The following FTCDNL1 variants were observed in gnomAD, a reference collection of about 807,000 sequenced individuals.
FTCDNL1 encodes formiminotransferase cyclodeaminase N-terminal like.
FTCDNL1 carries 11 observed loss-of-function variants against 5.9 expected under a neutral mutation model. That is an observed-to-expected ratio of 1.87 (90% CI 1.18 to 3.10). The LOEUF (loss-of-function observed/expected upper bound fraction) is 3.10, where lower values mean the gene tolerates loss of function less well. FTCDNL1 is among the 30% of genes most tolerant of loss of function. FTCDNL1 has a pLI of 0.00. For missense variants in FTCDNL1, 115 were observed against 65.5 expected (o/e 1.76, Z -2.61); for synonymous variants, 58 against 24.8 (o/e 2.34, Z -3.99).
At chr2:199,777,804 G>A (rs1218207312) in intron 3 of FTCDNL1, among the ~76,000 whole-genome samples, 3 of 152,058 alleles carry the variant, frequency 2.0e-5, no homozygotes, top group African/African-American at 7.2e-5. Context: ...TCAGGGCAGA[G>A]GTTCATGTGG....
the FTCDNL1 span, among the ~76,000 whole-genome samples, chr2:199,687,504 T>C: frequency 6.6e-6 from 1 of 152,210 alleles, no homozygotes; most frequent in East Asian, 1.9e-4. Flanking sequence ...TATGGTCAGC[T>C]CACAGGTGAG....
chr2:199,775,740 G>A (rs1574473340), intron 3 of FTCDNL1, among the ~76,000 whole-genome samples: 1 of 152,128 alleles, frequency 6.6e-6, no homozygotes, highest in East Asian at 1.9e-4. Flanking sequence ...AAAAGAAAGA[G>A]AAAGCCAATG....
intron 3 of FTCDNL1, among the ~76,000 whole-genome samples, chr2:199,841,874 A>G (rs564195109): frequency 5.9e-4 from 90 of 152,266 alleles, no homozygotes; most frequent in African/African-American, 2.1e-3. Context: ...CTAAAACTTA[A>G]AGCCAATCAT....
At chr2:199,730,358 T>C in the FTCDNL1 span, among the ~76,000 whole-genome samples, 2 of 152,110 alleles carry the variant, frequency 1.3e-5, no homozygotes, top group Non-Finnish European at 1.5e-5. Context: ...AATTAAACTA[T>C]AGAGCTTCTG....
intron 3 of FTCDNL1, among the ~76,000 whole-genome samples, chr2:199,773,907 C>T (rs2106298059): frequency 6.6e-6 from 1 of 152,336 alleles, no homozygotes; most frequent in East Asian, 1.9e-4. Flanking sequence ...TCTCTAGCAG[C>T]AGGTCCCTGG....
chr2:199,781,342 T>C (rs1234319448), intron 3 of FTCDNL1, among the ~76,000 whole-genome samples: 1 of 152,198 alleles, frequency 6.6e-6, no homozygotes, highest in Non-Finnish European at 1.5e-5. Flanking sequence ...ACAGGAGGTA[T>C]ATGATGTAAT....
chr2:199,688,711 A>C, the FTCDNL1 span, among the ~76,000 whole-genome samples: 2 of 152,234 alleles, frequency 1.3e-5, no homozygotes, highest in Non-Finnish European at 2.9e-5. Flanking sequence ...TTTATAAAAC[A>C]GGAAGCTTTG....
chr2:199,676,976 T>A, the FTCDNL1 span, among the ~76,000 whole-genome samples: 3 of 152,208 alleles, frequency 2.0e-5, no homozygotes, highest in Non-Finnish European at 4.4e-5. Context: ...CAATATCTTC[T>A]TGTTTATGAA....
At chr2:199,842,419 C>T (rs1365454559) in intron 3 of FTCDNL1, among the ~76,000 whole-genome samples, 1 of 152,194 alleles carries the variant, frequency 6.6e-6, no homozygotes. Context: ...CAAGTTCAGG[C>T]TGCCCTCACC....
At chr2:199,762,198 G>C (rs924233597) in intron 3 of FTCDNL1, among the ~76,000 whole-genome samples, 1 of 152,162 alleles carries the variant, frequency 6.6e-6, no homozygotes. Context: ...GCCCAATATA[G>C]TGAAACCCCA....
the FTCDNL1 span, among the ~76,000 whole-genome samples, chr2:199,742,660 A>T: frequency 1.3e-5 from 2 of 152,244 alleles, no homozygotes; most frequent in Non-Finnish European, 2.9e-5. Flanking sequence ...ATATATGATT[A>T]TCTCCATCTT....
chr2:199,783,191 G>C (rs182600909), intron 3 of FTCDNL1, among the ~76,000 whole-genome samples: 1 of 152,276 alleles, frequency 6.6e-6, no homozygotes, highest in African/African-American at 2.4e-5. Context: ...TTACTGCAAG[G>C]CCATGGCCTG....
chr2:199,763,275 G>A (rs111782997), intron 3 of FTCDNL1, among the ~76,000 whole-genome samples: 7 of 152,248 alleles, frequency 4.6e-5, no homozygotes, highest in African/African-American at 1.7e-4. Context: ...TGCTCCAGGG[G>A]CTCTGAGCGT....
chr2:199,682,301 T>C, the FTCDNL1 span, among the ~76,000 whole-genome samples: 3 of 152,178 alleles, frequency 2.0e-5, no homozygotes, highest in Non-Finnish European at 2.9e-5. Context: ...CAATGTTGGC[T>C]CTTCTCTGGG....
Position 199,809,306 on chromosome 2 carries a change from G to A in FTCDNL1, c.*3399C>T, listed in dbSNP as rs1221362253. Among the ~76,000 whole-genome samples the A allele has an allele frequency of 1.3e-5, 2 of 150,180 alleles. No homozygotes were observed. Among genetic ancestry groups the A allele is most frequent in the African/African-American group, 4.9e-5 (2 of 40,668 alleles). On this transcript the variant is annotated 3_prime_UTR_variant, in exon 5 of 5. Transcript: ENST00000420128. The stretch of plus-strand genomic sequence containing the variant: ...TAGTCTCACTACATTGACCAAGCTG[G>A]TCTCAAACTCCTGGGTTCAAGTGAT...
At chr2:199,756,416 C>A (rs897996206), downstream of FTCDNL1, among the ~76,000 whole-genome samples, 13 of 152,148 alleles carry the variant, frequency 8.5e-5, no homozygotes, top group African/African-American at 3.1e-4. Flanking sequence ...CACCAGCCAG[C>A]GGGCTGACTG....
intron 3 of FTCDNL1, among the ~76,000 whole-genome samples, chr2:199,790,840 C>T (rs1436907627): frequency 6.6e-6 from 1 of 151,990 alleles, no homozygotes; most frequent in Admixed American, 6.6e-5. Context: ...ACAAATACTG[C>T]TAGGTATAAA....
intron 3 of FTCDNL1, among the ~76,000 whole-genome samples, chr2:199,835,207 C>A (rs1702645071): frequency 6.6e-6 from 1 of 152,068 alleles, no homozygotes; most frequent in South Asian, 2.1e-4. Context: ...AACATGAACA[C>A]TGTTACTTCT....
the FTCDNL1 span, among the ~76,000 whole-genome samples, chr2:199,709,789 G>T: frequency 6.6e-6 from 1 of 152,048 alleles, no homozygotes; most frequent in Non-Finnish European, 1.5e-5. Context: ...ACCTGGAGAA[G>T]AATATAAGAA....
Sources: allele counts gnomAD v4.1 joint callset (sites outside exome capture counted in the v4.1 genomes callset), GRCh38; gene constraint gnomAD v4.1.1; transcripts MANE v1.5; gene names NCBI Gene and HGNC (gene_info 2026-07-23, HGNC 2026-07-21).